Variants in DLGAP2 observed in about 807,000 individuals in gnomAD.
The protein encoded by DLGAP2 is DLG associated protein 2.
DLGAP2 carries 26 observed loss-of-function variants against 100.3 expected under a neutral mutation model. The ratio of observed to expected loss-of-function variants is 0.26; its 90% CI spans 0.19 to 0.36. The LOEUF is 0.36. DLGAP2 is among the 10% of genes least tolerant of loss of function. DLGAP2 has a pLI of 1.00. For synonymous variants in DLGAP2, 886 were observed against 630.1 expected (o/e 1.41, Z -6.08); for missense variants, 1,858 against 1,453.2 (o/e 1.28, Z -4.53).
intron 2 of DLGAP2, among the ~76,000 whole-genome samples, chr8:1,195,793 G>C (rs904799586): frequency 3.3e-5 from 5 of 152,160 alleles, no homozygotes; most frequent in African/African-American, 7.2e-5. Flanking sequence ...CGTGTGGCGC[G>C]TTCCCCGGAG....
chr8:1,295,106 G>A (rs942330365), intron 3 of DLGAP2, among the ~76,000 whole-genome samples: 1 of 152,158 alleles, frequency 6.6e-6, no homozygotes, highest in African/African-American at 2.4e-5. Flanking sequence ...ACGGGCTCAT[G>A]TTGCAGTGGG....
At chr8:1,329,638 A>T (rs746987315) in intron 3 of DLGAP2, among the ~76,000 whole-genome samples, 2 of 152,252 alleles carry the variant, frequency 1.3e-5, no homozygotes, top group East Asian at 1.9e-4. Flanking sequence ...GGGAATGAAC[A>T]TGGGCCCTAA....
rs542198315 is a variant in DLGAP2, at chr8:1,023,284, C to T, written c.73+115318C>T. On this transcript the variant is annotated intron_variant, in intron 2 of 14. Coordinates refer to ENST00000637795, the MANE Select transcript of DLGAP2 (RefSeq NM_001346810.2). ...AGTGGAGCTATCACGTAGGTCTGTT[C>T]GCTGGGCTCTACATCTGTGACTGAA... is the stretch of plus-strand genomic sequence containing the variant. 3.3e-5 allele frequency among the ~76,000 whole-genome samples: 5 copies of T among 152,266 alleles called. No individual in the cohort carries two copies. The East Asian group carries it at 5.8e-4, about 18-fold the overall frequency.
chr8:1,210,938 C>A (rs1444176756), intron 2 of DLGAP2, among the ~76,000 whole-genome samples: 1 of 110,224 alleles, frequency 9.1e-6, no homozygotes, highest in East Asian at 3.0e-4. Context: ...GCAATCAATG[C>A]CATTTTCCAT....
At chr8:1,336,215 A>G (rs185047675) in intron 3 of DLGAP2, among the ~76,000 whole-genome samples, 10 of 152,212 alleles carry the variant, frequency 6.6e-5, no homozygotes, top group African/African-American at 2.4e-4. Flanking sequence ...GAATGTAACT[A>G]TTTTTGTTAA....
chr8:1,698,178 A>G (rs1420881039), intron 14 of DLGAP2, among the ~76,000 whole-genome samples: 1 of 152,180 alleles, frequency 6.6e-6, no homozygotes, highest in Non-Finnish European at 1.5e-5. Context: ...GCCAGATGCA[A>G]TGGATCCACA....
chr8:1,535,460 T>C (rs1382242305), intron 4 of DLGAP2, among the ~76,000 whole-genome samples: 1 of 152,220 alleles, frequency 6.6e-6, no homozygotes, highest in Non-Finnish European at 1.5e-5. Flanking sequence ...TTTACGGGGC[T>C]GAGTGTGTCG....
intron 2 of DLGAP2, among the ~76,000 whole-genome samples, chr8:1,124,361 A>G (rs1017946118): frequency 6.6e-6 from 1 of 152,190 alleles, no homozygotes; most frequent in Non-Finnish European, 1.5e-5. Context: ...CTCCTCTCTC[A>G]GGGACCTCAG....
intron 8 of DLGAP2, 80 bp downstream of exon 8, chr8:1,633,126 C>A: frequency 2.3e-6 from 3 of 1,327,560 alleles, no homozygotes; most frequent in Non-Finnish European, 3.2e-6. Context: ...GCGAGCAGCA[C>A]ACAGCACCAC....
At chr8:754,091 GGGGA>G (rs1332877752) in intron 1 of DLGAP2, 2 of 152,238 alleles carry the variant, frequency 1.3e-5, no homozygotes, top group Non-Finnish European at 2.9e-5. Context: ...CGCTCCACGT[GGGGA>G]GTGAGTGGTA....
chr8:965,099 AC>A, intron 2 of DLGAP2, among the ~76,000 whole-genome samples: 1 of 147,854 alleles, frequency 6.8e-6, no homozygotes, highest in Non-Finnish European at 1.5e-5. Context: ...TTCATCACAC[AC>A]GCGGCTCCAG....
At chr8:796,238 G>A (rs973172348) in intron 1 of DLGAP2, among the ~76,000 whole-genome samples, 31 of 152,136 alleles carry the variant, frequency 2.0e-4, no homozygotes, top group East Asian at 5.8e-4. Flanking sequence ...GTGAATTCAC[G>A]ACCGGGCTCC....
intron 1 of DLGAP2, among the ~76,000 whole-genome samples, chr8:759,660 C>T (rs1821028535): frequency 6.6e-6 from 1 of 152,158 alleles, no homozygotes; most frequent in Non-Finnish European, 1.5e-5. Flanking sequence ...ACTCCGGTGT[C>T]CCCCAGGGCG....
At chr8:1,076,903 G>A (rs1177828369) in intron 2 of DLGAP2, among the ~76,000 whole-genome samples, 2 of 139,646 alleles carry the variant, frequency 1.4e-5, no homozygotes, top group Non-Finnish European at 3.1e-5. Context: ...GTCTGTCCCG[G>A]CCCCCCCCAA....
intron 1 of DLGAP2, among the ~76,000 whole-genome samples, chr8:902,990 G>A (rs1248170227): frequency 9.6e-6 from 1 of 103,832 alleles, no homozygotes; most frequent in Non-Finnish European, 2.0e-5. Context: ...GGGGGCGGGG[G>A]GGCGGAAAGT....
chr8:738,641 C>T, intron 1 of DLGAP2: 1 of 150,438 alleles, frequency 6.6e-6, no homozygotes, highest in Non-Finnish European at 1.5e-5. Flanking sequence ...TGGGGGGCGG[C>T]GGACGCGGGC....
At chr8:1,426,920 C>A (rs1020111302) in intron 3 of DLGAP2, among the ~76,000 whole-genome samples, 2 of 152,018 alleles carry the variant, frequency 1.3e-5, no homozygotes, top group Non-Finnish European at 1.5e-5. Flanking sequence ...ACAGAAGATA[C>A]AGGATACAAG....
intron 3 of DLGAP2, among the ~76,000 whole-genome samples, chr8:1,472,526 C>A (rs865984907): frequency 6.6e-6 from 1 of 152,076 alleles, no homozygotes; most frequent in African/African-American, 2.4e-5. Flanking sequence ...GGAGATGAAG[C>A]AGGAAATGTC....
At chr8:1,648,488 C>A (rs1337619114) in intron 8 of DLGAP2, among the ~76,000 whole-genome samples, 1 of 152,140 alleles carries the variant, frequency 6.6e-6, no homozygotes, top group Non-Finnish European at 1.5e-5. Flanking sequence ...CAAGGCAATA[C>A]CAAAACCAGG....
Sources: gnomAD v4.1 joint callset for allele counts (sites outside exome capture counted in the v4.1 genomes callset) on GRCh38, gnomAD v4.1.1 for gene constraint, MANE v1.5 for transcripts, NCBI Gene and HGNC (gene_info 2026-07-23, HGNC 2026-07-21) for gene names.